The following TRIM66 variants were observed in gnomAD, a reference collection of about 807,000 sequenced individuals.
TRIM66 encodes tripartite motif containing 66, also known as tripartite motif-containing protein 66.
A neutral mutation model predicts 148.2 loss-of-function variants in TRIM66; 99 were observed. The ratio of observed to expected loss-of-function variants is 0.67; its 90% CI spans 0.57 to 0.79. The LOEUF is 0.79. TRIM66 is among the 30% of genes least tolerant of loss of function. The pLI, the probability that TRIM66 is intolerant of heterozygous loss-of-function variation, is 0.00. For missense variants in TRIM66, 1,666 were observed against 1,697.9 expected (o/e 0.98, Z 0.33); for synonymous variants, 616 against 635.9 (o/e 0.97, Z 0.47).
rs559705939 is a variant in TRIM66, at chr11:8,623,859, A to G, written c.3019+500T>C. On this transcript the variant is annotated intron_variant, in intron 17 of 24. Transcript: ENST00000646038. ...TCCTTACTACTCAGAGGAAGTTATC[A>G]AATGATTTCACTATAGTTACTGGTC... Among the ~76,000 whole-genome samples, 5 of 152,340 alleles carry G rather than the reference A, an allele frequency of 3.3e-5. No homozygotes were observed. The East Asian group carries it at 5.8e-4, about 18-fold the overall frequency.
In TRIM66 at chr11:8,612,577, A is replaced by G. The variant is rs938258122; in HGVS notation, c.*5367T>C. On this transcript the variant is annotated 3_prime_UTR_variant, in exon 25 of 25. Coordinates refer to ENST00000646038, the MANE Select transcript of TRIM66 (RefSeq NM_001388022.1). ...AGTATATACCTCCTTACCTCCAAGAAAGCAACCAATAGCTGCCTCCAACTC... is the reference window on the plus strand; with the variant it reads ...AGTATATACCTCCTTACCTCCAAGAGAGCAACCAATAGCTGCCTCCAACTC... The G allele has an allele frequency of 6.6e-5, 10 of 152,200 alleles. No individual in the cohort carries two copies. Among genetic ancestry groups the G allele is most frequent in the Admixed American group, 1.3e-4 (2 of 15,280 alleles). 9.4% of individuals were successfully genotyped at this position (152,200 alleles called of 1,614,324 possible). A position where few individuals can be genotyped will look rare whatever the true frequency, so the allele number is the denominator to read the frequency against.
chr11:8,626,088 A>C (rs1269813629), intron 15 of TRIM66, among the ~76,000 whole-genome samples: 2 of 152,236 alleles, frequency 1.3e-5, no homozygotes, highest in African/African-American at 4.8e-5. Flanking sequence ...TAAAAGGTTT[A>C]TAAAAAGAAG....
chr11:8,680,468 G>T (rs1014016738), intron 1 of TRIM66, among the ~76,000 whole-genome samples: 8 of 152,168 alleles, frequency 5.3e-5, no homozygotes, highest in African/African-American at 1.9e-4. Flanking sequence ...GGGCACTAAG[G>T]CTTAAACAGA....
At chr11:8,664,807 G>A (rs1440353379) in intron 6 of TRIM66, among the ~76,000 whole-genome samples, 3 of 152,170 alleles carry the variant, frequency 2.0e-5, no homozygotes. Flanking sequence ...ATGAGAAGAT[G>A]CCTACCTCAT....
intron 6 of TRIM66, among the ~76,000 whole-genome samples, chr11:8,660,708 G>T (rs2038187661): frequency 6.6e-6 from 1 of 152,178 alleles, no homozygotes; most frequent in Admixed American, 6.5e-5. Context: ...GTTTAATTCT[G>T]ATTACGGGGA....
Position 8,620,535 on chromosome 11 carries a change from G to A in TRIM66, c.3583C>T (p.Gln1195Ter), listed in dbSNP as rs1404268365. ...WVCTLCRSLT[Q>*]PEMEYDCENA... Reference sequence around the variant, plus strand: ...TCACAGTCGTACTCCATCTCGGGCTGGGTCAGGCTGCGGCACAAGGTACAC... The same window carrying A: ...TCACAGTCGTACTCCATCTCGGGCTAGGTCAGGCTGCGGCACAAGGTACAC... Residue 1195 changes from glutamine to a stop codon, truncating the protein, a stop_gained, in exon 21 of 25, where the codon CAG becomes TAG. Coordinates refer to ENST00000646038, the MANE Select transcript of TRIM66 (RefSeq NM_001388022.1). LOFTEE classifies it high-confidence loss of function. 1.3e-6 allele frequency: 2 copies of A among 1,551,800 alleles called. No individual in the cohort carries two copies. Among genetic ancestry groups the A allele is most frequent in the Non-Finnish European group, 1.7e-6 (2 of 1,147,034 alleles).
rs555016346 is a variant in TRIM66, at chr11:8,634,683, G to A, written c.2310+3971C>T. Among the ~76,000 whole-genome samples, 8 of 152,294 alleles carry A rather than the reference G, an allele frequency of 5.3e-5. No homozygotes were observed. The East Asian group carries it at 9.6e-4, about 18-fold the overall frequency. On this transcript the variant is annotated intron_variant, in intron 15 of 24. Transcript: ENST00000646038. ...GGCAAATACCAAAATTCATTCAAAA[G>A]GGGTTGCAGAGCTCAAGCCACTAGA...
chr11:8,623,182 C>T (rs1331912937), intron 17 of TRIM66, among the ~76,000 whole-genome samples: 1 of 152,200 alleles, frequency 6.6e-6, no homozygotes, highest in Non-Finnish European at 1.5e-5. Context: ...GCTCAGAAAT[C>T]ACTTGTTCTC....
At chr11:8,649,598 A>G (rs1565537322) in intron 8 of TRIM66, 142 bp downstream of exon 8, 1 of 1,169,414 alleles carries the variant, frequency 8.6e-7, no homozygotes, top group East Asian at 2.6e-5. Flanking sequence ...TCTGAAGGAG[A>G]CTTCCTTTGG....
At chr11:8,673,458 G>A (rs528838491) in intron 4 of TRIM66, among the ~76,000 whole-genome samples, 1 of 152,290 alleles carries the variant, frequency 6.6e-6, no homozygotes, top group African/African-American at 2.4e-5. Context: ...TGAGCTGAGA[G>A]AGGGGCAGAC....
At chr11:8,646,304 G>T in intron 11 of TRIM66, 143 bp downstream of exon 11, 1 of 705,940 alleles carries the variant, frequency 1.4e-6, no homozygotes, top group Non-Finnish European at 2.4e-6. Context: ...AAATTAGGCT[G>T]ACATTTTAAA....
Position 8,641,141 on chromosome 11 carries a change from T to G in TRIM66, c.1234A>C (p.Thr412Pro). 6.5e-7 allele frequency: 1 copy of G among 1,549,314 alleles called. No individual in the cohort carries two copies. The highest frequency in any genetic ancestry group is 2.0e-5 in the Admixed American group (1 of 50,914). The change falls in exon 14 of 25, where the codon ACT (threonine) becomes CCT (proline). Residue 412 changes from threonine (T) to proline (P), a missense_variant. By Grantham distance (38) the Thr-to-Pro change is conservative. Coordinates refer to ENST00000646038, the MANE Select transcript of TRIM66 (RefSeq NM_001388022.1). ...GCCCTGGACATTTGTCCACCTTCAG[T>G]AGTTATGCAGCCTGAAAATGCAGAA... ...KQLASLGCIT[T>P]EGGQMSRADA... is the part of the protein sequence containing the mutation.
chr11:8,650,351 C>A (rs1015237091), intron 7 of TRIM66, among the ~76,000 whole-genome samples: 1 of 151,694 alleles, frequency 6.6e-6, no homozygotes, highest in African/African-American at 2.4e-5. Context: ...CCAGCCTGGG[C>A]AACAGAGGAA....
intron 15 of TRIM66, among the ~76,000 whole-genome samples, chr11:8,638,383 T>C (rs2036072594): frequency 6.6e-6 from 1 of 152,140 alleles, no homozygotes; most frequent in African/African-American, 2.4e-5. Context: ...AGAGTACATG[T>C]TCAATAAATT....
chr11:8,629,698 G>A (rs982651185), intron 15 of TRIM66, among the ~76,000 whole-genome samples: 1 of 152,222 alleles, frequency 6.6e-6, no homozygotes, highest in African/African-American at 2.4e-5. Context: ...AGGTGAACCT[G>A]ATGAACCTGG....
chr11:8,667,473 C>G (rs2038674120), intron 6 of TRIM66, among the ~76,000 whole-genome samples: 1 of 152,112 alleles, frequency 6.6e-6, no homozygotes, highest in African/African-American at 2.4e-5. Flanking sequence ...AGATTGGTAT[C>G]CAGAATGTGT....
rs957725261 is a variant in TRIM66 at position 8,643,007 on chromosome 11, A to C, written c.1222+2T>G. On this transcript the variant is annotated splice_donor_variant, in intron 13 of 24. Coordinates refer to ENST00000646038, the MANE Select transcript of TRIM66 (RefSeq NM_001388022.1). LOFTEE classifies it high-confidence loss of function. ...GGCCTGGGTGGGTGGGTCCAAGCTC[A>C]CCAAGAGAAGCTAGCTGCTTGGTCC... 2 of 1,549,558 alleles carry C rather than the reference A, an allele frequency of 1.3e-6. No homozygotes were observed. The highest frequency in any genetic ancestry group is 1.7e-6 in the Non-Finnish European group (2 of 1,145,858).
At chr11:8,656,313 A>G in intron 6 of TRIM66, among the ~76,000 whole-genome samples, 1 of 152,302 alleles carries the variant, frequency 6.6e-6, no homozygotes, top group East Asian at 1.9e-4. Flanking sequence ...CACATAAAAT[A>G]TTATTTAGAT....
intron 6 of TRIM66, among the ~76,000 whole-genome samples, chr11:8,657,203 A>C (rs1565552996): frequency 6.6e-6 from 1 of 152,194 alleles, no homozygotes; most frequent in African/African-American, 2.4e-5. Flanking sequence ...TTAGGCCACC[A>C]AGTGAGGACA....
Sources: gnomAD v4.1 joint callset for allele counts (sites outside exome capture counted in the v4.1 genomes callset) on GRCh38, gnomAD v4.1.1 for gene constraint, MANE v1.5 for transcripts, NCBI Gene and HGNC (gene_info 2026-07-23, HGNC 2026-07-21) for gene names.